LRRTM4: variants seen among roughly 807,000 people sequenced by gnomAD.
LRRTM4 encodes leucine-rich repeat transmembrane neuronal protein 4.
A neutral mutation model predicts 47.6 loss-of-function variants in LRRTM4; 25 were observed. The ratio of observed to expected loss-of-function variants is 0.53; its 90% CI spans 0.38 to 0.73. LRRTM4 has a LOEUF of 0.73. Ranked by LOEUF, LRRTM4 falls within the 30% of genes least tolerant of loss-of-function variation. LRRTM4 has a pLI of 0.00. For missense variants in LRRTM4, 638 were observed against 713.4 expected (o/e 0.89, Z 1.20); for synonymous variants, 311 against 269.5 (o/e 1.15, Z -1.51).
At chr2:77,087,478 C>A (rs1399579040) in intron 3 of LRRTM4, among the ~76,000 whole-genome samples, 1 of 152,152 alleles carries the variant, frequency 6.6e-6, no homozygotes, top group East Asian at 1.9e-4. Flanking sequence ...TGGTAGTAAC[C>A]CAGAACACCT....
chr2:77,176,924 A>G (rs1673212818), intron 3 of LRRTM4, among the ~76,000 whole-genome samples: 1 of 152,162 alleles, frequency 6.6e-6, no homozygotes, highest in Non-Finnish European at 1.5e-5. Context: ...TATGCTAATT[A>G]TAATACATTA....
At chr2:76,932,451 A>G (rs1674802119) in intron 3 of LRRTM4, among the ~76,000 whole-genome samples, 1 of 151,994 alleles carries the variant, frequency 6.6e-6, no homozygotes, top group Non-Finnish European at 1.5e-5. Context: ...TATCTTCATC[A>G]CAGGAGTGTT....
intron 3 of LRRTM4, among the ~76,000 whole-genome samples, chr2:76,935,426 A>G (rs1021254521): frequency 2.6e-5 from 4 of 152,148 alleles, no homozygotes; most frequent in South Asian, 4.1e-4. Flanking sequence ...CATTGCATCT[A>G]TAAATTACTT....
intron 3 of LRRTM4, among the ~76,000 whole-genome samples, chr2:77,469,455 G>A (rs1320111127): frequency 6.6e-6 from 1 of 152,084 alleles, no homozygotes; most frequent in Non-Finnish European, 1.5e-5. Context: ...AAATAAGCTC[G>A]CTGCTAACAG....
intron 3 of LRRTM4, among the ~76,000 whole-genome samples, chr2:77,000,342 T>C (rs1361283153): frequency 6.6e-6 from 1 of 151,988 alleles, no homozygotes; most frequent in Non-Finnish European, 1.5e-5. Context: ...TTGTGTGGTC[T>C]TCTCCATTAC....
At chr2:76,825,208 T>C (rs1671157927) in intron 3 of LRRTM4, among the ~76,000 whole-genome samples, 2 of 151,672 alleles carry the variant, frequency 1.3e-5, no homozygotes, top group Non-Finnish European at 3.0e-5. Context: ...TAATCTGCTT[T>C]ACATTTCTAA....
chr2:77,103,465 T>C (rs1006132250), intron 3 of LRRTM4, among the ~76,000 whole-genome samples: 9 of 152,060 alleles, frequency 5.9e-5, no homozygotes, highest in Non-Finnish European at 1.5e-5. Context: ...TCTGTAAGAA[T>C]GAGAAAGCAC....
At chr2:77,478,267 T>C (rs1677516554) in intron 3 of LRRTM4, among the ~76,000 whole-genome samples, 1 of 152,196 alleles carries the variant, frequency 6.6e-6, no homozygotes. Context: ...TTGTTGTTAT[T>C]ACAAAACATG....
intron 3 of LRRTM4, among the ~76,000 whole-genome samples, chr2:76,964,763 A>T (rs572469839): frequency 2.0e-5 from 3 of 150,766 alleles, no homozygotes; most frequent in Non-Finnish European, 4.5e-5. Context: ...TAAATGTGAA[A>T]ATGGGAAAAC....
intron 3 of LRRTM4, among the ~76,000 whole-genome samples, chr2:76,787,792 A>C (rs1674759183): frequency 6.6e-6 from 1 of 151,860 alleles, no homozygotes; most frequent in Non-Finnish European, 1.5e-5. Flanking sequence ...GGTTCACTTG[A>C]TTTTCTTTTC....
chr2:77,480,821 T>TGTGTGTGTGGAG (rs1220391895), intron 3 of LRRTM4, among the ~76,000 whole-genome samples: 2 of 88,342 alleles, frequency 2.3e-5, no homozygotes, highest in Non-Finnish European at 4.4e-5. Flanking sequence ...TGTGTGTGTG[T>TGTGTGTGTGGAG]GGAGAGAGAG....
chr2:77,095,110 T>TGAACAGAC (rs1467172725), intron 3 of LRRTM4, among the ~76,000 whole-genome samples: 3 of 152,200 alleles, frequency 2.0e-5, no homozygotes, highest in African/African-American at 7.2e-5. Flanking sequence ...GCAAAGGATC[T>TGAACAGAC]GAACAGACAT....
intron 3 of LRRTM4, among the ~76,000 whole-genome samples, chr2:77,281,923 T>G (rs1044482959): frequency 1.1e-4 from 17 of 151,808 alleles, no homozygotes; most frequent in African/African-American, 3.9e-4. Context: ...GTAAAAAAAA[T>G]CATTCACATT....
intron 3 of LRRTM4, among the ~76,000 whole-genome samples, chr2:77,103,909 T>A (rs2103917351): frequency 6.6e-6 from 1 of 152,182 alleles, no homozygotes; most frequent in African/African-American, 2.4e-5. Flanking sequence ...AAGAATTCAA[T>A]GAAGACAAAG....
intron 3 of LRRTM4, among the ~76,000 whole-genome samples, chr2:77,094,418 A>G (rs1038328959): frequency 5.9e-5 from 9 of 152,172 alleles, no homozygotes; most frequent in African/African-American, 1.7e-4. Flanking sequence ...TTAGAGAAAT[A>G]GAAAAAAAAT....
At chr2:77,433,139 G>C (rs1396444855) in intron 3 of LRRTM4, among the ~76,000 whole-genome samples, 1 of 152,074 alleles carries the variant, frequency 6.6e-6, no homozygotes. Context: ...ATGTGGATCT[G>C]GAAATTAAAT....
chr2:76,974,185 T>C (rs1267959231), intron 3 of LRRTM4, among the ~76,000 whole-genome samples: 4 of 95,306 alleles, frequency 4.2e-5, no homozygotes, highest in African/African-American at 1.3e-4. Context: ...TATATATACA[T>C]ACATATATAT....
At chr2:76,778,761 T>C (rs2104145846) in intron 3 of LRRTM4, among the ~76,000 whole-genome samples, 1 of 151,116 alleles carries the variant, frequency 6.6e-6, no homozygotes, top group Non-Finnish European at 1.5e-5. Context: ...TCTATTTCCT[T>C]CAGTTCTGCT....
chr2:76,851,291 G>C (rs556185447), intron 3 of LRRTM4, among the ~76,000 whole-genome samples: 3 of 152,194 alleles, frequency 2.0e-5, no homozygotes, highest in African/African-American at 7.2e-5. Flanking sequence ...TTTCTTCCAA[G>C]TGCAATAAAA....
Sources: allele counts gnomAD v4.1 joint callset (sites outside exome capture counted in the v4.1 genomes callset), GRCh38; gene constraint gnomAD v4.1.1; transcripts MANE v1.5; gene names NCBI Gene and HGNC (gene_info 2026-07-23, HGNC 2026-07-21).